The following LRRC7 variants were observed in gnomAD, a reference collection of about 807,000 sequenced individuals.
LRRC7 encodes leucine-rich repeat-containing protein 7.
A neutral mutation model predicts 175.7 loss-of-function variants in LRRC7; 23 were observed. The ratio of observed to expected loss-of-function variants is 0.13; its 90% CI spans 0.09 to 0.19. The LOEUF is 0.19. LRRC7 is among the 10% of genes least tolerant of loss of function. The pLI is 1.00. For missense variants in LRRC7, 1,354 were observed against 1,904.7 expected (o/e 0.71, Z 5.38); for synonymous variants, 685 against 680.9 (o/e 1.01, Z -0.09).
At chr1:69,627,636 G>T (rs902969858) in intron 1 of LRRC7, among the ~76,000 whole-genome samples, 4 of 152,080 alleles carry the variant, frequency 2.6e-5, no homozygotes, top group African/African-American at 9.6e-5. Flanking sequence ...GTTTTAGACA[G>T]GAAGTCCTTG....
chr1:69,600,104 CATTTAG>C (rs1356065720), intron 1 of LRRC7, among the ~76,000 whole-genome samples: 3 of 152,096 alleles, frequency 2.0e-5, no homozygotes, highest in Non-Finnish European at 4.4e-5. Context: ...TTTTAAAATA[CATTTAG>C]ATTTATAGAA....
At position 70,039,802 on chromosome 1, in the gene LRRC7, G is replaced by A; in HGVS notation, c.3969+9G>A. On this transcript the variant is annotated intron_variant, in intron 21 of 26. Coordinates refer to ENST00000651989, the MANE Select transcript of LRRC7 (RefSeq NM_001370785.2). ...CTAGACGGTTAGACAGGGTATGTCT[G>A]GTGTTTCTCTGTAAGAATATCCCTC... 1.3e-6 allele frequency: 2 copies of A among 1,557,316 alleles called. No individual in the cohort carries two copies. The highest frequency in any genetic ancestry group is 1.7e-6 in the Non-Finnish European group (2 of 1,156,136).
chr1:69,905,066 T>C (rs1557871136), intron 7 of LRRC7, among the ~76,000 whole-genome samples: 2 of 152,160 alleles, frequency 1.3e-5, no homozygotes, highest in Admixed American at 6.6e-5. Context: ...GTAGACTTTA[T>C]TCTATCTACC....
chr1:69,998,526 A>G (rs188347569), intron 11 of LRRC7, among the ~76,000 whole-genome samples: 77 of 152,290 alleles, frequency 5.1e-4, no homozygotes, highest in African/African-American at 1.8e-3. Flanking sequence ...GGTACACAAA[A>G]GTAATTATCT....
chr1:70,066,391 T>C (rs532324755), intron 23 of LRRC7, among the ~76,000 whole-genome samples: 2 of 152,158 alleles, frequency 1.3e-5, no homozygotes, highest in Admixed American at 1.3e-4. Context: ...ACTGCATGTA[T>C]AATTATTTTT....
At chr1:69,831,793 A>C (rs900538646) in intron 5 of LRRC7, among the ~76,000 whole-genome samples, 1 of 152,148 alleles carries the variant, frequency 6.6e-6, no homozygotes, top group Non-Finnish European at 1.5e-5. Flanking sequence ...ATATACAGTA[A>C]GTCTTCACTT....
intron 10 of LRRC7, among the ~76,000 whole-genome samples, chr1:69,990,474 A>G (rs1654336905): frequency 6.6e-6 from 1 of 152,098 alleles, no homozygotes; most frequent in Non-Finnish European, 1.5e-5. Context: ...TGGTAAATGA[A>G]GTTGTTATAT....
Position 70,125,670 on chromosome 1 carries a change from T to TA in LRRC7, c.*3784dup, listed in dbSNP as rs1383913619. The stretch of plus-strand genomic sequence containing the variant: ...AGCCGGGCGTAGTGGCGGGCGCCTG[T>TA]AGTCCCAGCTACTTGGGAGGCTGAG... On this transcript the variant is annotated 3_prime_UTR_variant, in exon 27 of 27. Coordinates refer to ENST00000651989, the MANE Select transcript of LRRC7 (RefSeq NM_001370785.2). Among the ~76,000 whole-genome samples, 1 of 148,628 alleles carries TA rather than the reference T, an allele frequency of 6.7e-6. No homozygotes were observed. Among genetic ancestry groups the TA allele is most frequent in the Non-Finnish European group, 1.5e-5 (1 of 66,710 alleles).
chr1:69,698,610 A>G (rs757394884), intron 2 of LRRC7, among the ~76,000 whole-genome samples: 1 of 152,240 alleles, frequency 6.6e-6, no homozygotes, highest in Admixed American at 6.5e-5. Flanking sequence ...AACCAGGCTC[A>G]TGGCATTCTC....
intron 22 of LRRC7, among the ~76,000 whole-genome samples, chr1:70,046,319 A>G (rs1044640521): frequency 7.2e-5 from 11 of 152,254 alleles, no homozygotes; most frequent in Admixed American, 5.9e-4. Flanking sequence ...GAATGGACTC[A>G]CTATTACTGC....
At chr1:69,878,966 T>C (rs749078026) in intron 7 of LRRC7, among the ~76,000 whole-genome samples, 7 of 149,440 alleles carry the variant, frequency 4.7e-5, no homozygotes, top group Admixed American at 1.3e-4. Flanking sequence ...TTATAATCCA[T>C]CCATGATGGA....
Position 69,708,709 on chromosome 1 carries a change from C to G in LRRC7, c.100+30231C>G, listed in dbSNP as rs1293927711. Among the ~76,000 whole-genome samples, 10 of 152,106 alleles carry G rather than the reference C, an allele frequency of 6.6e-5. No homozygotes were observed. The East Asian group carries it at 1.9e-3, about 29-fold the overall frequency. Reference sequence around the variant, plus strand: ...TATGGGCATGTTCATGTCTGGAGGTCAGCTGATCTAAGGAGTCTCTGTTGG... The same window carrying G: ...TATGGGCATGTTCATGTCTGGAGGTGAGCTGATCTAAGGAGTCTCTGTTGG... On this transcript the variant is annotated intron_variant, in intron 2 of 26. Coordinates refer to ENST00000651989, the MANE Select transcript of LRRC7 (RefSeq NM_001370785.2).
In LRRC7 at chr1:70,123,934, C is replaced by A. The variant is rs371051534; in HGVS notation, c.*2047C>A. Among the ~76,000 whole-genome samples, 2 of 152,202 alleles carry A rather than the reference C, an allele frequency of 1.3e-5. No homozygotes were observed. The highest frequency in any genetic ancestry group is 4.8e-5 in the African/African-American group (2 of 41,520). On this transcript the variant is annotated 3_prime_UTR_variant, in exon 27 of 27. Coordinates refer to ENST00000651989, the MANE Select transcript of LRRC7 (RefSeq NM_001370785.2). ...TTTTATGGGAGAAGTGGGAGAAGAGCCAGATATAGAACTGCCCCAAGTCTT... is the reference window on the plus strand; with the variant it reads ...TTTTATGGGAGAAGTGGGAGAAGAGACAGATATAGAACTGCCCCAAGTCTT...
At chr1:69,802,082 A>C (rs1488614563) in intron 4 of LRRC7, among the ~76,000 whole-genome samples, 1 of 151,342 alleles carries the variant, frequency 6.6e-6, no homozygotes, top group East Asian at 1.9e-4. Context: ...CTGAGAATAT[A>C]CTTAATATGA....
chr1:70,128,374 C>T lies in LRRC7; in HGVS notation c.*6487C>T, dbSNP rs1470933477. On this transcript the variant is annotated 3_prime_UTR_variant, in exon 27 of 27. Coordinates refer to ENST00000651989, the MANE Select transcript of LRRC7 (RefSeq NM_001370785.2). ...TAGTTTTGAAAGTGTATTTTTTTAT[C>T]ACTGTTGCACAAGTGTATTGTTTGT... is the stretch of plus-strand genomic sequence containing the variant. Among the ~76,000 whole-genome samples the T allele has an allele frequency of 6.6e-6, 1 of 150,968 alleles. No homozygotes were observed. Among genetic ancestry groups the T allele is most frequent in the Non-Finnish European group, 1.5e-5 (1 of 67,902 alleles).
intron 7 of LRRC7, among the ~76,000 whole-genome samples, chr1:69,889,247 A>G (rs1185215381): frequency 3.3e-5 from 5 of 152,128 alleles, no homozygotes; most frequent in African/African-American, 7.2e-5. Context: ...AAATAAGACA[A>G]CAATGAAGTT....
chr1:69,886,657 A>C (rs11488199), intron 7 of LRRC7, among the ~76,000 whole-genome samples: 18,690 of 144,494 alleles, frequency 0.13, 1,745 homozygotes, highest in African/African-American at 0.27. Flanking sequence ...TGATCCTGTC[A>C]TTATGATGTT....
intron 2 of LRRC7, among the ~76,000 whole-genome samples, chr1:69,737,686 T>C (rs1668272698): frequency 1.3e-5 from 2 of 152,178 alleles, no homozygotes; most frequent in East Asian, 1.9e-4. Context: ...TGCTATTGTA[T>C]CTGGAAGGTC....
intron 2 of LRRC7, among the ~76,000 whole-genome samples, chr1:69,712,697 A>G (rs1332826766): frequency 1.3e-5 from 2 of 152,176 alleles, no homozygotes; most frequent in East Asian, 1.9e-4. Context: ...TTTTTCTTTC[A>G]GCATTAAAAA....
Sources: allele counts gnomAD v4.1 joint callset (sites outside exome capture counted in the v4.1 genomes callset), GRCh38; gene constraint gnomAD v4.1.1; transcripts MANE v1.5; gene names NCBI Gene and HGNC (gene_info 2026-07-23, HGNC 2026-07-21).